The following MFSD2B variants were observed in gnomAD, a reference collection of about 807,000 sequenced individuals.
MFSD2B encodes the protein sphingosine-1-phosphate transporter MFSD2B.
MFSD2B carries 56 observed loss-of-function variants against 58.4 expected under a neutral mutation model. The observed-to-expected ratio is 0.96, with a 90% CI of 0.77 to 1.20. The LOEUF (loss-of-function observed/expected upper bound fraction) is 1.20, where lower values mean the gene tolerates loss of function less well. MFSD2B is among the 50% of genes most tolerant of loss of function. MFSD2B has a pLI of 0.00. For synonymous variants in MFSD2B, 287 were observed against 294.4 expected (o/e 0.97, Z 0.26); for missense variants, 645 against 667.6 (o/e 0.97, Z 0.37).
intron 6 of MFSD2B, among the ~76,000 whole-genome samples, chr2:24,019,830 C>T (rs1439293084): frequency 6.6e-6 from 1 of 152,220 alleles, no homozygotes; most frequent in Non-Finnish European, 1.5e-5. Context: ...CTCTAGGTGT[C>T]CACTAAGCAC....
rs1044788904 is a variant in MFSD2B, at chr2:24,022,895, G to A, written c.1052G>A (p.Gly351Glu). 9.3e-6 allele frequency: 15 copies of A among 1,610,492 alleles called. No homozygotes were observed. Among genetic ancestry groups the A allele is most frequent in the Admixed American group, 1.7e-5 (1 of 59,358 alleles). The change falls in exon 10 of 14, where the codon GGG becomes GAG. Residue 351 changes from glycine (G) to glutamate (E), a missense_variant. By Grantham distance (98) the Gly-to-Glu change is moderately conservative. Coordinates refer to ENST00000338315, the MANE Select transcript of MFSD2B (RefSeq NM_001346880.2). This position sits in a 1 kb window ranked among gnomAD's most constrained non-coding sequence, Gnocchi z 4.5. ...TTTGGGAAGAAGACGTCAGCCTTTG[G>A]GATCTTTGTGAGTGAGGCGGGAATC... ...QRFGKKTSAF[G>E]IFAMVPFAIL... is the part of the protein sequence containing the mutation.
At position 24,025,574 on chromosome 2, in the gene MFSD2B, G is replaced by C; in HGVS notation, c.*118G>C. 2.1e-6 allele frequency: 2 copies of C among 940,780 alleles called. No individual in the cohort carries two copies. The highest frequency in any genetic ancestry group is 3.3e-6 in the Non-Finnish European group (2 of 609,092). The allele number at this position is 940,780 out of a possible 1,614,324, so 58.3% of individuals were successfully genotyped here. On this transcript the variant is annotated 3_prime_UTR_variant, in exon 14 of 14. Coordinates refer to ENST00000338315, the MANE Select transcript of MFSD2B (RefSeq NM_001346880.2). Reference sequence around the variant, plus strand: ...TTTAGTATGTGACCTTTCTCCCTGGGATGTGGAGTCTTCGGCAACGTGTCC... The same window carrying C: ...TTTAGTATGTGACCTTTCTCCCTGGCATGTGGAGTCTTCGGCAACGTGTCC...
Position 24,023,682 on chromosome 2 carries a change from G to C in MFSD2B, c.1269G>C (p.Lys423Asn), listed in dbSNP as rs756985907. 2 of 1,613,938 alleles carry C rather than the reference G, an allele frequency of 1.2e-6. No individual in the cohort carries two copies. The highest frequency in any genetic ancestry group is 1.7e-6 in the Non-Finnish European group (2 of 1,179,856). The change falls in exon 12 of 14, where the codon AAG (lysine) becomes AAC (asparagine). Residue 423 changes from lysine to asparagine, a missense_variant. Physicochemically the swap from Lys to Asn is moderately conservative, Grantham distance 94. Coordinates refer to ENST00000338315, the MANE Select transcript of MFSD2B (RefSeq NM_001346880.2). The surrounding 1 kb of genome is among the most constrained non-coding windows in gnomAD (Gnocchi z 5.0). Reference protein sequence around the residue: ...IFYSSYVFFTKLSGACALGIS... With the variant: ...IFYSSYVFFTNLSGACALGIS... ...ACTCCTCCTACGTCTTCTTCACCAA[G>C]CTGTCTGGCGCATGTGCCCTGGGCA... is the stretch of plus-strand genomic sequence containing the variant.
intron 13 of MFSD2B, 33 bp from the exon 14 acceptor site, chr2:24,025,399 A>AT: frequency 6.5e-7 from 1 of 1,535,332 alleles, no homozygotes; most frequent in Non-Finnish European, 8.7e-7. Context: ...CACCACTTCC[A>AT]TCCTTCTCCT....
intron 2 of MFSD2B, 95 bp from the exon 3 acceptor site, chr2:24,016,061 G>T (rs1709133437): frequency 6.6e-7 from 1 of 1,507,412 alleles, no homozygotes; most frequent in African/African-American, 1.4e-5. Flanking sequence ...TCCGGTCCCG[G>T]TTCCCAGGCC....
rs1318005237 is a variant in MFSD2B at position 24,021,347 on chromosome 2, G to A, written c.682-301G>A. 6.6e-6 allele frequency among the ~76,000 whole-genome samples: 1 copy of A among 152,204 alleles called. No individual in the cohort carries two copies. The highest frequency in any genetic ancestry group is 1.5e-5 in the Non-Finnish European group (1 of 68,024). On this transcript the variant is annotated intron_variant, in intron 6 of 13. Coordinates refer to ENST00000338315, the MANE Select transcript of MFSD2B (RefSeq NM_001346880.2). The surrounding 1 kb of genome is among the most constrained non-coding windows in gnomAD (Gnocchi z 5.7). ...GAGCCTCAGGGCCTGGCATGCGGAA[G>A]GCAGCAGCAGTCAATGTTTGCTTCA...
chr2:24,016,751 G>A (rs1300507517), intron 3 of MFSD2B, 94 bp from the exon 4 acceptor site: 35 of 1,485,596 alleles, frequency 2.4e-5, no homozygotes, highest in Non-Finnish European at 3.0e-5. Flanking sequence ...GGATTCTCAA[G>A]GGGCAGAGAA....
At position 24,024,808 on chromosome 2, in the gene MFSD2B, C is replaced by A. The variant is rs936453945; in HGVS notation, c.1490+537C>A. Among the ~76,000 whole-genome samples the A allele has an allele frequency of 3.7e-4, 56 of 152,154 alleles. 1 individual carries two copies. Among genetic ancestry groups the A allele is most frequent in the Admixed American group, 3.6e-3 (55 of 15,276 alleles). On this transcript the variant is annotated intron_variant, in intron 13 of 13. Transcript: ENST00000338315. This position sits in a 1 kb window ranked among gnomAD's most constrained non-coding sequence, Gnocchi z 4.3. Reference sequence around the variant, plus strand: ...TCCCTCTGGGTGGAAGCCTAGGAGTCTTCTGCTCTTCCCTCCCACGGGCAA... The same window carrying A: ...TCCCTCTGGGTGGAAGCCTAGGAGTATTCTGCTCTTCCCTCCCACGGGCAA...
At chr2:24,015,194 G>A (rs1222421429) in intron 2 of MFSD2B, among the ~76,000 whole-genome samples, 1 of 151,882 alleles carries the variant, frequency 6.6e-6, no homozygotes, top group African/African-American at 2.4e-5. Flanking sequence ...CCAGCACTTT[G>A]GGAGGTCAAG....
chr2:24,018,936 C>G (rs543110412), intron 6 of MFSD2B, among the ~76,000 whole-genome samples: 6 of 151,212 alleles, frequency 4.0e-5, no homozygotes, highest in Admixed American at 6.6e-5. Flanking sequence ...CTGCAACCTC[C>G]GTCTCCCGGA....
At position 24,025,924 on chromosome 2, in the gene MFSD2B, G is replaced by A. The variant is rs954347741; in HGVS notation, c.*468G>A. The A allele has an allele frequency of 1.1e-4, 18 of 157,832 alleles. No individual in the cohort carries two copies. Among genetic ancestry groups the A allele is most frequent in the Middle Eastern group, 3.2e-3 (1 of 312 alleles). The allele number at this position is 157,832 out of a possible 1,614,324, so 9.8% of individuals were successfully genotyped here. ...TTTTTAGTAGAGACGGGGTTTCACC[G>A]TGTTAGCCAGAATGGTTTCGATCTC... On this transcript the variant is annotated 3_prime_UTR_variant, in exon 14 of 14. Transcript: ENST00000338315.
In MFSD2B at chr2:24,024,374, G is replaced by GCCTCTGGGA; in HGVS notation, c.1490+109_1490+117dup. 1 of 1,223,170 alleles carries GCCTCTGGGA rather than the reference G, an allele frequency of 8.2e-7. No homozygotes were observed. Among genetic ancestry groups the GCCTCTGGGA allele is most frequent in the South Asian group, 1.4e-5 (1 of 69,632 alleles). 75.8% of individuals were successfully genotyped at this position (1,223,170 alleles called of 1,614,324 possible). A position where few individuals can be genotyped will look rare whatever the true frequency, so the allele number is the denominator to read the frequency against. Reference sequence around the variant, plus strand: ...CATCCCTGCTGTGTCACACAGTCCTGCCTCTGGGACCTCTTTCCTTAGCTC... The same window carrying GCCTCTGGGA: ...CATCCCTGCTGTGTCACACAGTCCTGCCTCTGGGACCTCTGGGACCTCTTTCCTTAGCTC... On this transcript the variant is annotated intron_variant, in intron 13 of 13. Transcript: ENST00000338315. The surrounding 1 kb of genome is among the most constrained non-coding windows in gnomAD (Gnocchi z 4.3).
In MFSD2B at chr2:24,017,272, TGCCGAC is replaced by T. The variant is rs780471636; in HGVS notation, c.472-10_472-5del. The T allele has an allele frequency of 3.2e-6, 5 of 1,585,606 alleles. No homozygotes were observed. Among genetic ancestry groups the T allele is most frequent in the Non-Finnish European group, 3.4e-6 (4 of 1,166,988 alleles). On this transcript the variant is annotated splice_polypyrimidine_tract_variant and splice_region_variant and intron_variant, in intron 4 of 13. Transcript: ENST00000338315. The surrounding 1 kb of genome is among the most constrained non-coding windows in gnomAD (Gnocchi z 4.8). ...CAAAGCTGGGGGCGGTTCTAAGCTCTGCCGACGCCCCAGTTCTTCCAGGTGCCCTAC... is the reference window on the plus strand; with the variant it reads ...CAAAGCTGGGGGCGGTTCTAAGCTCTGCCCCAGTTCTTCCAGGTGCCCTAC...
intron 3 of MFSD2B, 151 bp from the exon 4 acceptor site, chr2:24,016,694 C>A: frequency 1.1e-6 from 1 of 872,170 alleles, no homozygotes; most frequent in Non-Finnish European, 1.7e-6. Context: ...GACCCATCGG[C>A]CACTTCTCCC....
chr2:24,017,391 C>T lies in MFSD2B; in HGVS notation c.550+27C>T, dbSNP rs1379190240. 6 of 1,599,210 alleles carry T rather than the reference C, an allele frequency of 3.8e-6. No homozygotes were observed. Among genetic ancestry groups the T allele is most frequent in the Non-Finnish European group, 5.1e-6 (6 of 1,173,462 alleles). On this transcript the variant is annotated intron_variant, in intron 5 of 13. Transcript: ENST00000338315. The surrounding 1 kb of genome is among the most constrained non-coding windows in gnomAD (Gnocchi z 4.8). ...TGAGTGCAGCCGTGGGTTTCGGGTT[C>T]CAGGGAGGCAACTGCCCCTGGGACC...
rs796645399 is a variant in MFSD2B, at chr2:24,012,179, CA to C, written c.97-1101del. On this transcript the variant is annotated intron_variant, in intron 1 of 13. Coordinates refer to ENST00000338315, the MANE Select transcript of MFSD2B (RefSeq NM_001346880.2). The surrounding 1 kb of genome is among the most constrained non-coding windows in gnomAD (Gnocchi z 4.5). ...ACACACACACACACACACACACACA[CA>C]AAAACAGACAAAAAAACCCTGCAAT... 2.3e-3 allele frequency among the ~76,000 whole-genome samples: 337 copies of C among 148,202 alleles called. 3 individuals carry two copies. The highest frequency in any genetic ancestry group is 6.2e-3 in the South Asian group (29 of 4,642).
rs775884812 is a variant in MFSD2B, at chr2:24,024,121, G to T, written c.1340G>T (p.Cys447Phe). Residue 447 changes from cysteine to phenylalanine, a missense_variant, in exon 13 of 14, where the codon TGC becomes TTC. Transcript: ENST00000338315. This position sits in a 1 kb window ranked among gnomAD's most constrained non-coding sequence, Gnocchi z 4.3. ...LEFSGYKAGV[C>F]KQAEEVVVTL... ...TTCTCGGGGTATAAGGCAGGGGTCT[G>T]CAAGCAAGCAGAGGAGGTGGTGGTC... 6.2e-7 allele frequency: 1 copy of T among 1,613,860 alleles called. No individual in the cohort carries two copies. Among genetic ancestry groups the T allele is most frequent in the South Asian group, 1.1e-5 (1 of 91,078 alleles).
chr2:24,022,459 C>T lies in MFSD2B; in HGVS notation c.921C>T (p.Phe307=). Residue 307 remains phenylalanine, a synonymous_variant, in exon 9 of 14, where the codon TTC becomes TTT. Transcript: ENST00000338315. The surrounding 1 kb of genome is among the most constrained non-coding windows in gnomAD (Gnocchi z 4.5). ...TGGAGCAGAGCTACCTGGTCCTGTT[C>T]TGTACACATGCCTCCCAGCTACACG... ...VQVEQSYLVL[F]CTHASQLHDH... is the part of the protein sequence containing the mutation. The T allele has an allele frequency of 6.2e-7, 1 of 1,613,292 alleles. No homozygotes were observed.
intron 2 of MFSD2B, 135 bp from the exon 3 acceptor site, chr2:24,016,021 T>C (rs771407901): frequency 2.7e-6 from 3 of 1,102,552 alleles, no homozygotes; most frequent in South Asian, 2.6e-5. Context: ...TGGGGAAGGC[T>C]GAGGAGCCCT....
Sources: gnomAD v4.1 joint callset for allele counts (sites outside exome capture counted in the v4.1 genomes callset) on GRCh38, gnomAD v4.1.1 for gene constraint, Gnocchi (gnomAD v3.1) non-coding constraint, MANE v1.5 for transcripts, NCBI Gene and HGNC (gene_info 2026-07-23, HGNC 2026-07-21) for gene names.